SGCD: variants seen among roughly 807,000 people sequenced by gnomAD.
SGCD encodes sarcoglycan delta.
In SGCD, 18 loss-of-function variants were observed where a neutral mutation model predicts 36.6. That is an observed-to-expected ratio of 0.49 (90% CI 0.34 to 0.73). SGCD has a LOEUF of 0.73. Ranked by LOEUF, SGCD falls within the 30% of genes least tolerant of loss-of-function variation. The pLI, the probability that SGCD is intolerant of heterozygous loss-of-function variation, is 0.01. For synonymous variants in SGCD, 133 were observed against 130.6 expected, an observed-to-expected ratio of 1.02 and a Z score of -0.12; for missense variants, 387 against 346.7, an observed-to-expected ratio of 1.12 and a Z score of -0.92.
At chr5:156,028,680 T>C (rs1759275894) in intron 1 of SGCD, among the ~76,000 whole-genome samples, 1 of 152,158 alleles carries the variant, frequency 6.6e-6, no homozygotes, top group South Asian at 2.1e-4. Flanking sequence ...ATGAAGGCAG[T>C]GATCCTAGAT....
At chr5:155,782,270 C>G in the SGCD span, among the ~76,000 whole-genome samples, 1 of 151,984 alleles carries the variant, frequency 6.6e-6, no homozygotes, top group Non-Finnish European at 1.5e-5. Flanking sequence ...GGTGATCTGC[C>G]CGCCTTGACT....
the SGCD span, among the ~76,000 whole-genome samples, chr5:155,750,705 G>A: frequency 1.3e-5 from 2 of 152,146 alleles, no homozygotes; most frequent in African/African-American, 4.8e-5. Context: ...GAGCAGTTAG[G>A]GATCTTTCTT....
the SGCD span, among the ~76,000 whole-genome samples, chr5:155,793,739 G>A: frequency 6.6e-6 from 1 of 151,788 alleles, no homozygotes; most frequent in African/African-American, 2.4e-5. Flanking sequence ...AGTAGAGACA[G>A]GGATTCACCA....
At chr5:155,762,607 G>A in the SGCD span, among the ~76,000 whole-genome samples, 1 of 152,100 alleles carries the variant, frequency 6.6e-6, no homozygotes, top group Non-Finnish European at 1.5e-5. Context: ...TATTAATGCT[G>A]CTACATATAA....
intron 6 of SGCD, among the ~76,000 whole-genome samples, chr5:156,610,555 A>C (rs1761745001): frequency 6.6e-6 from 1 of 151,954 alleles, no homozygotes; most frequent in African/African-American, 2.4e-5. Context: ...GAGAACCACT[A>C]CTCTCTTCAA....
intron 3 of SGCD, among the ~76,000 whole-genome samples, chr5:156,210,375 A>G (rs564232502): frequency 2.8e-4 from 43 of 152,298 alleles, no homozygotes; most frequent in African/African-American, 9.6e-4. Context: ...GTACATAGAT[A>G]TTAATATAAG....
upstream of SGCD, among the ~76,000 whole-genome samples, chr5:155,869,736 C>G (rs1230266362): frequency 6.6e-6 from 1 of 152,042 alleles, no homozygotes; most frequent in African/African-American, 2.4e-5. Context: ...CATGGTGGCT[C>G]ATGCCTGTAA....
intron 6 of SGCD, among the ~76,000 whole-genome samples, chr5:156,630,328 G>C (rs965922946): frequency 6.6e-6 from 1 of 152,150 alleles, no homozygotes; most frequent in South Asian, 2.1e-4. Flanking sequence ...TAAATGTTTG[G>C]ATGGATGGAT....
At chr5:156,224,646 G>C (rs992586974) in intron 3 of SGCD, among the ~76,000 whole-genome samples, 1 of 152,124 alleles carries the variant, frequency 6.6e-6, no homozygotes, top group African/African-American at 2.4e-5. Context: ...GTGGAGGAAA[G>C]GTTGTTATCA....
chr5:156,072,617 G>A (rs908369308), intron 1 of SGCD, among the ~76,000 whole-genome samples: 1 of 152,058 alleles, frequency 6.6e-6, no homozygotes, highest in African/African-American at 2.4e-5. Flanking sequence ...TCTTGGAGTT[G>A]TTCTTCTTGA....
intron 1 of SGCD, among the ~76,000 whole-genome samples, chr5:155,884,160 A>G (rs968733167): frequency 1.3e-5 from 2 of 152,146 alleles, no homozygotes; most frequent in African/African-American, 4.8e-5. Context: ...ACACCTAACG[A>G]TGATGAATCC....
At chr5:156,011,640 A>G (rs1254983882) in intron 1 of SGCD, among the ~76,000 whole-genome samples, 4 of 152,256 alleles carry the variant, frequency 2.6e-5, no homozygotes, top group African/African-American at 7.2e-5. Context: ...GGGTTTCACC[A>G]TCTTGGCCAG....
intron 1 of SGCD, among the ~76,000 whole-genome samples, chr5:155,950,501 T>C (rs1412829453): frequency 6.6e-6 from 1 of 152,186 alleles, no homozygotes; most frequent in African/African-American, 2.4e-5. Context: ...TGGGGTTCCC[T>C]GATTAGTTTA....
chr5:156,073,517 T>C (rs1410331258), intron 1 of SGCD, among the ~76,000 whole-genome samples: 1 of 152,180 alleles, frequency 6.6e-6, no homozygotes, highest in Non-Finnish European at 1.5e-5. Context: ...GAGCTGTGGT[T>C]ATGCCACTGC....
At chr5:156,547,285 C>A (rs1270814178) in intron 4 of SGCD, among the ~76,000 whole-genome samples, 1 of 152,086 alleles carries the variant, frequency 6.6e-6, no homozygotes, top group East Asian at 1.9e-4. Context: ...GCACCCCTGC[C>A]CCCTCTGTTG....
At chr5:156,246,972 G>A (rs922070250) in intron 3 of SGCD, among the ~76,000 whole-genome samples, 18 of 152,112 alleles carry the variant, frequency 1.2e-4, no homozygotes, top group African/African-American at 3.9e-4. Flanking sequence ...TACTTAATTA[G>A]CATAAACAAA....
At chr5:156,030,770 G>A (rs77079151) in intron 1 of SGCD, among the ~76,000 whole-genome samples, 1 of 152,136 alleles carries the variant, frequency 6.6e-6, no homozygotes, top group Non-Finnish European at 1.5e-5. Flanking sequence ...AGTGAGCAGG[G>A]TTGGGACATC....
At chr5:156,428,725 A>G (rs573910706) in intron 3 of SGCD, among the ~76,000 whole-genome samples, 2 of 152,052 alleles carry the variant, frequency 1.3e-5, no homozygotes, top group African/African-American at 4.8e-5. Context: ...AGAAGTTTGG[A>G]TAAGTTGTGT....
intron 3 of SGCD, among the ~76,000 whole-genome samples, chr5:156,319,836 C>T (rs74381675): frequency 0.027 from 4,175 of 152,238 alleles, 76 homozygotes; most frequent in African/African-American, 0.047. Flanking sequence ...CATCAGAATA[C>T]GCTACAGCTC....
Sources: gnomAD v4.1 joint callset for allele counts (sites outside exome capture counted in the v4.1 genomes callset) on GRCh38, gnomAD v4.1.1 for gene constraint, MANE v1.5 for transcripts, NCBI Gene and HGNC (gene_info 2026-07-23, HGNC 2026-07-21) for gene names.